Variants in ANO2 observed in about 807,000 individuals in gnomAD.
The protein encoded by ANO2 is anoctamin 2.
ANO2 carries 101 observed loss-of-function variants against 124.2 expected under a neutral mutation model. The ratio of observed to expected loss-of-function variants is 0.81; its 90% CI spans 0.69 to 0.96. The LOEUF is 0.96. Ranked by LOEUF, ANO2 falls within the 40% of genes least tolerant of loss-of-function variation. ANO2 has a pLI of 0.00. For missense variants in ANO2, 1,293 were observed against 1,274.5 expected, an observed-to-expected ratio of 1.01 and a Z score of -0.22; for synonymous variants, 486 against 482.5, an observed-to-expected ratio of 1.01 and a Z score of -0.09.
intron 11 of ANO2, among the ~76,000 whole-genome samples, chr12:5,748,997 C>T (rs1484223469): frequency 6.6e-6 from 1 of 151,984 alleles, no homozygotes; most frequent in East Asian, 1.9e-4. Context: ...ACAATATAAT[C>T]TTCAGTTGAT....
chr12:5,822,897 GGCA>G (rs1953849362), intron 7 of ANO2, among the ~76,000 whole-genome samples: 1 of 152,166 alleles, frequency 6.6e-6, no homozygotes, highest in South Asian at 2.1e-4. Context: ...CTTCTTACAT[GGCA>G]GTGGCAAGAG....
chr12:5,694,297 C>T (rs1257006848), intron 14 of ANO2, among the ~76,000 whole-genome samples: 1 of 116,532 alleles, frequency 8.6e-6, no homozygotes, highest in Non-Finnish European at 1.8e-5. Flanking sequence ...AAAACAGACA[C>T]AAATAGGGAC....
Position 5,782,275 on chromosome 12 carries a change from C to A in ANO2, c.1055+17232G>T, listed in dbSNP as rs143151782. Among the ~76,000 whole-genome samples the A allele has an allele frequency of 3.6e-4, 55 of 152,168 alleles. 1 individual carries two copies. The East Asian group carries it at 9.7e-3, about 27-fold the overall frequency. ...GCCACTTCAGTTTTCTTTTAATTAG[C>A]GTTTATATGGTAGAGCTTTTTTCAA... On this transcript the variant is annotated intron_variant, in intron 10 of 24. Transcript: ENST00000682330.
At position 5,584,638 on chromosome 12, in the gene ANO2, C is replaced by T. The variant is rs12827877; in HGVS notation, c.2234-6120G>A. 6.3e-3 allele frequency among the ~76,000 whole-genome samples: 966 copies of T among 152,260 alleles called. 9 individuals carry two copies. The highest frequency in any genetic ancestry group is 8.7e-3 in the Non-Finnish European group (593 of 68,016). ...ATTTATTTCCTCAGCCCATATTTTA[C>T]GACTGTGCCCAGGGATCCCCTTTTC... On this transcript the variant is annotated intron_variant, in intron 20 of 24. Transcript: ENST00000682330.
At chr12:5,751,824 G>C (rs770183040) in intron 10 of ANO2, among the ~76,000 whole-genome samples, 3 of 152,014 alleles carry the variant, frequency 2.0e-5, no homozygotes, top group Non-Finnish European at 4.4e-5. Context: ...GTAGATCTCC[G>C]GGCATATATG....
intron 10 of ANO2, among the ~76,000 whole-genome samples, chr12:5,760,637 T>G (rs1951712165): frequency 6.6e-6 from 1 of 152,118 alleles, no homozygotes; most frequent in Non-Finnish European, 1.5e-5. Context: ...CTATAATTCC[T>G]CCTTCTCCAC....
intron 4 of ANO2, among the ~76,000 whole-genome samples, chr12:5,834,231 C>T (rs539162128): frequency 9.2e-5 from 14 of 152,336 alleles, no homozygotes; most frequent in African/African-American, 3.4e-4. Flanking sequence ...TAAGTGTGGG[C>T]TAATCTGTCA....
intron 19 of ANO2, among the ~76,000 whole-genome samples, chr12:5,603,115 G>C (rs536878993): frequency 6.6e-6 from 1 of 152,270 alleles, no homozygotes; most frequent in African/African-American, 2.4e-5. Flanking sequence ...AAAGAAAGAA[G>C]GTATTGAAGC....
chr12:5,720,053 T>C (rs147168504), intron 14 of ANO2, among the ~76,000 whole-genome samples: 1 of 152,234 alleles, frequency 6.6e-6, no homozygotes, highest in African/African-American at 2.4e-5. Context: ...AAAGTAATGC[T>C]TGGAAATAAT....
Position 5,744,248 on chromosome 12 carries a change from C to A in ANO2, c.1260G>T (p.Trp420Cys), listed in dbSNP as rs368195594. Residue 420 changes from tryptophan to cysteine, a missense_variant, in exon 12 of 25, where the codon TGG (tryptophan) becomes TGT (cysteine). By Grantham distance (215) the Trp-to-Cys change is radical. Transcript: ENST00000682330. ...CGGTCCCACAGGCTGAGCTGAGGTT[C>A]CAGTAATCACAGGACTTGTCACACA... Reference protein sequence around the residue: ...CPLCDKSCDYWNLSSACGTAQ... With the variant: ...CPLCDKSCDYCNLSSACGTAQ... 5 of 1,613,836 alleles carry A rather than the reference C, an allele frequency of 3.1e-6. No homozygotes were observed. The African/African-American group carries it at 6.7e-5, about 22-fold the overall frequency.
chr12:5,804,023 A>G (rs1050676999), intron 9 of ANO2, among the ~76,000 whole-genome samples: 1 of 152,188 alleles, frequency 6.6e-6, no homozygotes, highest in Non-Finnish European at 1.5e-5. Flanking sequence ...TAATCCCTAC[A>G]GGCCCCAGAG....
intron 14 of ANO2, among the ~76,000 whole-genome samples, chr12:5,726,660 C>T (rs1166947716): frequency 1.3e-5 from 2 of 152,194 alleles, no homozygotes; most frequent in African/African-American, 2.4e-5. Flanking sequence ...AAGCTTTGCA[C>T]ATTACATACA....
intron 3 of ANO2, among the ~76,000 whole-genome samples, chr12:5,877,668 T>C (rs1938199610): frequency 6.6e-6 from 1 of 152,214 alleles, no homozygotes; most frequent in Admixed American, 6.5e-5. Context: ...TTTAAAGCAG[T>C]GGTCCCCAAC....
chr12:5,563,327 G>A lies in ANO2; in HGVS notation c.2969C>T (p.Ser990Leu), dbSNP rs74058231. 1.4e-4 allele frequency: 224 copies of A among 1,602,586 alleles called. 1 individual carries two copies. The African/African-American group carries it at 2.6e-3, about 18-fold the overall frequency. ...SGQSQLGSMM[S>L]SGSQHTNV Reference sequence around the variant, plus strand: ...CACATTGGTGTGCTGAGAGCCTGACGACATCATGCTGCCCAGCTGGCTTTG... The same window carrying A: ...CACATTGGTGTGCTGAGAGCCTGACAACATCATGCTGCCCAGCTGGCTTTG... The change falls in exon 25 of 25, where the codon TCG (serine) becomes TTG (leucine). Residue 990 changes from serine to leucine, a missense_variant. Ser to Leu is a moderately radical substitution (Grantham distance 145). Coordinates refer to ENST00000682330, the MANE Select transcript of ANO2 (RefSeq NM_001364791.2).
intron 15 of ANO2, among the ~76,000 whole-genome samples, chr12:5,646,741 T>A (rs1946658949): frequency 6.6e-6 from 1 of 152,216 alleles, no homozygotes; most frequent in African/African-American, 2.4e-5. Flanking sequence ...AATTTAGACT[T>A]CTAAACTTTG....
intron 16 of ANO2, among the ~76,000 whole-genome samples, chr12:5,634,641 T>G (rs1207118765): frequency 6.6e-6 from 1 of 152,234 alleles, no homozygotes; most frequent in Non-Finnish European, 1.5e-5. Flanking sequence ...AAGTCTGATA[T>G]GCCTCTTTGA....
In ANO2 at chr12:5,922,783, G is replaced by C; in HGVS notation, c.44C>G (p.Ser15Cys). The C allele has an allele frequency of 6.5e-7, 1 of 1,535,764 alleles. No individual in the cohort carries two copies. The highest frequency in any genetic ancestry group is 8.8e-7 in the Non-Finnish European group (1 of 1,142,234). The change falls in exon 2 of 25, where the codon TCC becomes TGC. Residue 15 changes from serine to cysteine, a missense_variant. By Grantham distance (112) the Ser-to-Cys change is moderately radical. Coordinates refer to ENST00000682330, the MANE Select transcript of ANO2 (RefSeq NM_001364791.2). The stretch of plus-strand genomic sequence containing the variant: ...TGCCTGAGGGCTCAGCCGGCGTGGG[G>C]AGCCAGGGAGCAGGGGTATATCTGT... ...GPRDIPLLPG[S>C]PRRLSPQAGS...
At chr12:5,781,519 T>G (rs1428329290) in intron 10 of ANO2, among the ~76,000 whole-genome samples, 1 of 152,238 alleles carries the variant, frequency 6.6e-6, no homozygotes, top group African/African-American at 2.4e-5. Flanking sequence ...AAAGAGATGA[T>G]CAGAGAATAT....
At chr12:5,628,892 A>G (rs973797539) in intron 16 of ANO2, among the ~76,000 whole-genome samples, 2 of 152,292 alleles carry the variant, frequency 1.3e-5, no homozygotes, top group East Asian at 1.9e-4. Flanking sequence ...TTACTGTCAT[A>G]ATGTGGGGCA....
Sources: gnomAD v4.1 joint callset for allele counts (sites outside exome capture counted in the v4.1 genomes callset) on GRCh38, gnomAD v4.1.1 for gene constraint, MANE v1.5 for transcripts, NCBI Gene and HGNC (gene_info 2026-07-23, HGNC 2026-07-21) for gene names.